Variants in SPTB observed in about 807,000 individuals in gnomAD.
SPTB encodes the protein spectrin beta, erythrocytic.
A neutral mutation model predicts 256.2 loss-of-function variants in SPTB; 45 were observed. The observed-to-expected ratio is 0.18, with a 90% CI of 0.14 to 0.23. The LOEUF is 0.23. Among genes scored for constraint, SPTB ranks in the 10% least tolerant of loss-of-function variants. The pLI is 1.00. For missense variants in SPTB, 2,715 were observed against 3,040.4 expected (o/e 0.89, Z 2.52); for synonymous variants, 1,231 against 1,243.1 (o/e 0.99, Z 0.21).
In SPTB at chr14:64,758,748, G is replaced by A. The variant is rs1373152981; in HGVS notation, c.6346-4955C>T. ...CAAACAGCAGAGAGCAAGCTGGAGG[G>A]ATGGCCAGATGCTGCTGGCAGGCTC... is the stretch of plus-strand genomic sequence containing the variant. On this transcript the variant is annotated intron_variant, in intron 32 of 35. Coordinates refer to ENST00000644917, the MANE Select transcript of SPTB (RefSeq NM_001355436.2). The surrounding 1 kb of genome is among the most constrained non-coding windows in gnomAD (Gnocchi z 4.6). 6.6e-6 allele frequency among the ~76,000 whole-genome samples: 1 copy of A among 152,238 alleles called. No homozygotes were observed. The highest frequency in any genetic ancestry group is 1.5e-5 in the Non-Finnish European group (1 of 68,048).
rs2083381301 is a variant in SPTB at position 64,826,639 on chromosome 14, C to A, written c.-51-3494G>T. The stretch of plus-strand genomic sequence containing the variant: ...AGGCATAAGTACTTCCTTGTCCATT[C>A]ATTCCCTGGCTTACCCACAAGTCCC... On this transcript the variant is annotated intron_variant, in intron 1 of 35. Coordinates refer to ENST00000644917, the MANE Select transcript of SPTB (RefSeq NM_001355436.2). The surrounding 1 kb of genome is among the most constrained non-coding windows in gnomAD (Gnocchi z 4.4). 6.6e-6 allele frequency among the ~76,000 whole-genome samples: 1 copy of A among 152,132 alleles called. No individual in the cohort carries two copies. The highest frequency in any genetic ancestry group is 2.1e-4 in the South Asian group (1 of 4,828).
rs369417874 is a variant in SPTB, at chr14:64,772,575, G to T, written c.5553+5C>A. The T allele has an allele frequency of 2.5e-6, 4 of 1,605,076 alleles. No homozygotes were observed. Among genetic ancestry groups the T allele is most frequent in the African/African-American group, 2.7e-5 (2 of 74,930 alleles). On this transcript the variant is annotated splice_donor_5th_base_variant and intron_variant, in intron 26 of 35. Coordinates refer to ENST00000644917, the MANE Select transcript of SPTB (RefSeq NM_001355436.2). This position sits in a 1 kb window ranked among gnomAD's most constrained non-coding sequence, Gnocchi z 5.4. ...AGCAGGTGGGCGGCAGGGGGCTGAAGGTACCTGGACACCCAGCAGGTGGAG... is the reference window on the plus strand; with the variant it reads ...AGCAGGTGGGCGGCAGGGGGCTGAATGTACCTGGACACCCAGCAGGTGGAG...
chr14:64,757,866 G>C (rs1387403409), intron 32 of SPTB, among the ~76,000 whole-genome samples: 1 of 152,188 alleles, frequency 6.6e-6, no homozygotes, highest in African/African-American at 2.4e-5. Flanking sequence ...AGACACCGAT[G>C]AGCTCTCAGA....
chr14:64,871,809 G>A (rs190284209), intron 1 of SPTB, among the ~76,000 whole-genome samples: 4 of 152,204 alleles, frequency 2.6e-5, no homozygotes, highest in South Asian at 2.1e-4. Flanking sequence ...TTTTAACCAC[G>A]TACATGAGTT....
chr14:64,793,087 G>A lies in SPTB; in HGVS notation c.2576C>T (p.Ala859Val), dbSNP rs1235010327. The A allele has an allele frequency of 7.4e-6, 12 of 1,613,958 alleles. No individual in the cohort carries two copies. The Admixed American group carries it at 2.0e-4, about 27-fold the overall frequency. ...DLYTVFGETD[A>V]CELWMGEKEK... is the part of the protein sequence containing the mutation. Reference sequence around the variant, plus strand: ...CTTCTCTCCCATCCACAGCTCACAGGCGTCTGTCTCCCCGAACACCGTGTA... The same window carrying A: ...CTTCTCTCCCATCCACAGCTCACAGACGTCTGTCTCCCCGAACACCGTGTA... The change falls in exon 14 of 36, where the codon GCC becomes GTC. Residue 859 changes from alanine to valine, a missense_variant. Transcript: ENST00000644917. This position sits in a 1 kb window ranked among gnomAD's most constrained non-coding sequence, Gnocchi z 7.0.
intron 23 of SPTB, 79 bp from the exon 24 acceptor site, chr14:64,774,606 G>A: frequency 6.5e-7 from 1 of 1,545,630 alleles, no homozygotes; most frequent in Non-Finnish European, 8.7e-7. Flanking sequence ...CCCCACTCCT[G>A]GAGGTGCCCG....
At chr14:64,753,286 C>T (rs988774028) in intron 33 of SPTB, among the ~76,000 whole-genome samples, 2 of 152,038 alleles carry the variant, frequency 1.3e-5, no homozygotes, top group African/African-American at 2.4e-5. Flanking sequence ...ATGGGGAAAC[C>T]GATTTAAAGA....
intron 2 of SPTB, among the ~76,000 whole-genome samples, chr14:64,819,227 T>A (rs1004937531): frequency 7.9e-5 from 12 of 152,192 alleles, no homozygotes; most frequent in African/African-American, 2.9e-4. Context: ...TTTTATGTAC[T>A]AGGACAGATG....
chr14:64,878,211 T>C (rs1387033821), intron 1 of SPTB, among the ~76,000 whole-genome samples: 1 of 152,148 alleles, frequency 6.6e-6, no homozygotes, highest in Non-Finnish European at 1.5e-5. Flanking sequence ...TACTCTAGAG[T>C]TTTTGATAAA....
At chr14:64,750,702 G>A (rs1017845304) in intron 33 of SPTB, among the ~76,000 whole-genome samples, 2 of 151,612 alleles carry the variant, frequency 1.3e-5, no homozygotes, top group Non-Finnish European at 2.9e-5. Context: ...CTTGAACCCG[G>A]GAGGCGAAGC....
In SPTB at chr14:64,753,681, AAG is replaced by A; in HGVS notation, c.6456_6457del (p.Phe2153Ter). ...GCTCAGAGGCGTATCTAGGACCTTA[AAG>A]AGGGGCTCCGTGGTGGGCCTCTCAT... On this transcript the variant is annotated frameshift_variant, in exon 33 of 36. Coordinates refer to ENST00000644917, the MANE Select transcript of SPTB (RefSeq NM_001355436.2). LOFTEE classifies it high-confidence loss of function. 6.2e-7 allele frequency: 1 copy of A among 1,613,654 alleles called. No individual in the cohort carries two copies. Among genetic ancestry groups the A allele is most frequent in the Non-Finnish European group, 8.5e-7 (1 of 1,179,988 alleles).
chr14:64,859,366 G>A (rs1426033837), intron 1 of SPTB, among the ~76,000 whole-genome samples: 1 of 152,224 alleles, frequency 6.6e-6, no homozygotes, highest in African/African-American at 2.4e-5. Context: ...GTATGCATAT[G>A]CGGAAAGATG....
At chr14:64,833,680 G>C (rs1478875941) in intron 1 of SPTB, among the ~76,000 whole-genome samples, 1 of 152,124 alleles carries the variant, frequency 6.6e-6, no homozygotes, top group Admixed American at 6.5e-5. Flanking sequence ...CCATACTGTA[G>C]CATCATAATC....
Position 64,794,380 on chromosome 14 carries a change from C to T in SPTB, c.1795+87G>A, listed in dbSNP as rs1444426963. ...AGTAACAGAACTTTAAAGTTGGTTC[C>T]AGGAGATTTATCCAAGTTGGGTTGT... On this transcript the variant is annotated intron_variant, in intron 13 of 35. Coordinates refer to ENST00000644917, the MANE Select transcript of SPTB (RefSeq NM_001355436.2). The T allele has an allele frequency of 4.5e-6, 7 of 1,551,176 alleles. No homozygotes were observed. In the East Asian group the frequency reaches 1.6e-4, roughly 35 times the overall value.
chr14:64,848,431 C>T (rs909850450), intron 1 of SPTB, among the ~76,000 whole-genome samples: 2 of 152,202 alleles, frequency 1.3e-5, no homozygotes, highest in African/African-American at 4.8e-5. Flanking sequence ...AGGATGACCT[C>T]ATCGTTTCTC....
intron 31 of SPTB, among the ~76,000 whole-genome samples, 165 bp downstream of exon 31, chr14:64,767,138 A>T (rs113333133): frequency 0.016 from 2,383 of 152,124 alleles, 70 homozygotes; most frequent in African/African-American, 0.055. Context: ...GGGGAAGCAA[A>T]AGGTCCTCTG....
At chr14:64,875,087 G>A (rs182586487) in intron 1 of SPTB, among the ~76,000 whole-genome samples, 107 of 152,256 alleles carry the variant, frequency 7.0e-4, no homozygotes, top group African/African-American at 2.5e-3. Context: ...GGTCTGCACA[G>A]GTATGATGTG....
chr14:64,863,482 C>G (rs1031017395), intron 1 of SPTB, among the ~76,000 whole-genome samples: 1 of 152,214 alleles, frequency 6.6e-6, no homozygotes, highest in Non-Finnish European at 1.5e-5. Flanking sequence ...CCTGGCTCCA[C>G]TTTGTGTCAT....
chr14:64,856,433 A>G (rs1057102353), intron 1 of SPTB, among the ~76,000 whole-genome samples: 1 of 152,198 alleles, frequency 6.6e-6, no homozygotes, highest in Non-Finnish European at 1.5e-5. Flanking sequence ...GCTGCCCCTG[A>G]GCCATCAGCA....
Sources: allele counts gnomAD v4.1 joint callset (sites outside exome capture counted in the v4.1 genomes callset), GRCh38; gene constraint gnomAD v4.1.1; non-coding constraint Gnocchi (gnomAD v3.1); transcripts MANE v1.5; gene names NCBI Gene and HGNC (gene_info 2026-07-23, HGNC 2026-07-21).